The following UGP2 variants were observed in gnomAD, a reference collection of about 807,000 sequenced individuals.
UGP2 encodes UTP--glucose-1-phosphate uridylyltransferase.
A neutral mutation model predicts 49.0 loss-of-function variants in UGP2; 40 were observed. The ratio of observed to expected loss-of-function variants is 0.82; its 90% CI spans 0.63 to 1.06. The LOEUF (loss-of-function observed/expected upper bound fraction) is 1.06, where lower values mean the gene tolerates loss of function less well. Among genes scored for constraint, UGP2 ranks in the 50% least tolerant of loss-of-function variants. The pLI, the probability that UGP2 is intolerant of heterozygous loss-of-function variation, is 0.00. For missense variants in UGP2, 460 were observed against 603.5 expected (o/e 0.76, Z 2.49); for synonymous variants, 225 against 213.0 (o/e 1.06, Z -0.49).
intron 3 of UGP2, among the ~76,000 whole-genome samples, chr2:63,871,350 A>G (rs1670536437): frequency 6.6e-6 from 1 of 152,170 alleles, no homozygotes; most frequent in African/African-American, 2.4e-5. Context: ...CAGTGGTGCA[A>G]TCTTGGCTCA....
chr2:63,843,649 A>G (rs184299300), intron 1 of UGP2, among the ~76,000 whole-genome samples: 2 of 152,352 alleles, frequency 1.3e-5, no homozygotes, highest in African/African-American at 2.4e-5. Context: ...TTCAAAATCA[A>G]GTGGTAAGAG....
intron 1 of UGP2, among the ~76,000 whole-genome samples, chr2:63,848,715 C>A (rs1668838271): frequency 6.6e-6 from 1 of 152,168 alleles, no homozygotes; most frequent in African/African-American, 2.4e-5. Context: ...CTATTAATAA[C>A]AAGTTCTTTG....
At chr2:63,883,628 G>C (rs1355582694) in intron 4 of UGP2, among the ~76,000 whole-genome samples, 1 of 152,156 alleles carries the variant, frequency 6.6e-6, no homozygotes, top group African/African-American at 2.4e-5. Context: ...CTGTACACAA[G>C]CTCCAGACTC....
intron 3 of UGP2, among the ~76,000 whole-genome samples, chr2:63,861,320 A>G (rs1159602156): frequency 6.6e-6 from 1 of 152,006 alleles, no homozygotes; most frequent in African/African-American, 2.4e-5. Context: ...AGGGATGGGA[A>G]ATAGATCAGA....
At chr2:63,859,548 T>C (rs1669689827) in intron 3 of UGP2, among the ~76,000 whole-genome samples, 1 of 152,244 alleles carries the variant, frequency 6.6e-6, no homozygotes, top group East Asian at 1.9e-4. Context: ...AGAGGAATCA[T>C]GGGATTTTTT....
chr2:63,857,582 C>T (rs2104282093), intron 2 of UGP2: 1 of 532,114 alleles, frequency 1.9e-6, no homozygotes, highest in South Asian at 1.5e-5. Context: ...CGAGGCTGGT[C>T]TCAAACTCCT....
intron 8 of UGP2, 75 bp from the exon 9 acceptor site, chr2:63,890,006 T>G (rs1671976749): frequency 2.5e-6 from 3 of 1,191,048 alleles, no homozygotes; most frequent in Middle Eastern, 2.1e-4. Context: ...TCAGTTAAAC[T>G]TTCTTGTTAA....
intron 3 of UGP2, among the ~76,000 whole-genome samples, chr2:63,866,471 A>G (rs1670194104): frequency 6.6e-6 from 1 of 152,148 alleles, no homozygotes; most frequent in Non-Finnish European, 1.5e-5. Flanking sequence ...GCAGCTGGTG[A>G]GTTGGTGAAG....
intron 7 of UGP2, among the ~76,000 whole-genome samples, chr2:63,887,191 G>A (rs1671740323): frequency 6.6e-6 from 1 of 151,786 alleles, no homozygotes; most frequent in East Asian, 1.9e-4. Context: ...TTGAACCCAG[G>A]AGGGCAGAGG....
intron 1 of UGP2, among the ~76,000 whole-genome samples, chr2:63,855,224 G>A (rs1341182457): frequency 6.6e-6 from 1 of 152,190 alleles, no homozygotes; most frequent in Non-Finnish European, 1.5e-5. Flanking sequence ...TTTATAGTAG[G>A]TGGAGTATAT....
intron 5 of UGP2, 134 bp downstream of exon 5, chr2:63,884,227 A>C (rs1249095339): frequency 9.4e-7 from 1 of 1,059,534 alleles, no homozygotes; most frequent in Non-Finnish European, 1.3e-6. Flanking sequence ...TGCCCATAAA[A>C]GCTGAGCATT....
At chr2:63,871,529 G>T (rs1026638625) in intron 3 of UGP2, among the ~76,000 whole-genome samples, 10 of 152,272 alleles carry the variant, frequency 6.6e-5, no homozygotes, top group African/African-American at 2.4e-4. Flanking sequence ...CAGGTGATCC[G>T]CCCGCCTCGG....
At chr2:63,856,062 A>G (rs1376992898) in intron 1 of UGP2, 2 of 361,792 alleles carry the variant, frequency 5.5e-6, no homozygotes, top group Non-Finnish European at 5.0e-6. Flanking sequence ...ACGTCGATAC[A>G]GGGAAGTAGA....
At position 63,890,115 on chromosome 2, in the gene UGP2, C is replaced by T. The variant is rs1432885509; in HGVS notation, c.1349C>T (p.Pro450Leu). 1 of 1,610,992 alleles carries T rather than the reference C, an allele frequency of 6.2e-7. No homozygotes were observed. The highest frequency in any genetic ancestry group is 8.5e-7 in the Non-Finnish European group (1 of 1,179,004). The change falls in exon 9 of 10, where the codon CCA becomes CTA. Residue 450 changes from proline (P) to leucine (L), a missense_variant. Transcript: ENST00000337130. The part of the protein sequence containing the change: ...QDYLRRFESI[P>L]DMLELDHLTV... Reference sequence around the variant, plus strand: ...TATCTAAGAAGATTTGAAAGTATACCAGATATGCTTGAATTGGATCACCTC... The same window carrying T: ...TATCTAAGAAGATTTGAAAGTATACTAGATATGCTTGAATTGGATCACCTC...
chr2:63,889,930 T>C, intron 8 of UGP2, 151 bp from the exon 9 acceptor site: 1 of 615,532 alleles, frequency 1.6e-6, no homozygotes, highest in Non-Finnish European at 2.9e-6. Context: ...TAGCATATAA[T>C]GAGTGCTTAA....
chr2:63,887,904 A>C, intron 8 of UGP2: 1 of 418,020 alleles, frequency 2.4e-6, no homozygotes, highest in South Asian at 3.0e-5. Flanking sequence ...CAAGACCAGT[A>C]CTGCTTTCAT....
At chr2:63,877,152 T>C (rs1383113135) in intron 3 of UGP2, among the ~76,000 whole-genome samples, 1 of 152,274 alleles carries the variant, frequency 6.6e-6, no homozygotes, top group East Asian at 1.9e-4. Flanking sequence ...AGCATGGTTA[T>C]CTGGTAGATT....
At chr2:63,862,809 G>T in intron 3 of UGP2, 3 of 455,726 alleles carry the variant, frequency 6.6e-6, no homozygotes, top group Non-Finnish European at 8.8e-6. Context: ...AAGAAATGGT[G>T]TTAAAGTTTC....
intron 3 of UGP2, among the ~76,000 whole-genome samples, chr2:63,858,454 G>C (rs778999206): frequency 6.6e-6 from 1 of 151,556 alleles, no homozygotes; most frequent in African/African-American, 2.4e-5. Flanking sequence ...TTAGAGGTAC[G>C]TTTATTTGCA....
Sources: allele counts gnomAD v4.1 joint callset (sites outside exome capture counted in the v4.1 genomes callset), GRCh38; gene constraint gnomAD v4.1.1; transcripts MANE v1.5; gene names NCBI Gene and HGNC (gene_info 2026-07-23, HGNC 2026-07-21).